Variants in CA1 observed in about 807,000 individuals in gnomAD.
The protein encoded by CA1 is carbonate dehydratase I.
A neutral mutation model predicts 28.8 loss-of-function variants in CA1; 27 were observed. The ratio of observed to expected loss-of-function variants is 0.94; its 90% CI spans 0.69 to 1.29. The LOEUF (loss-of-function observed/expected upper bound fraction) is 1.29. CA1 is among the 50% of genes most tolerant of loss of function. The pLI is 0.00. For synonymous variants in CA1, 121 were observed against 108.8 expected (o/e 1.11, Z -0.70); for missense variants, 335 against 310.5 (o/e 1.08, Z -0.59).
chr8:85,358,405 T>A (rs776184240), intron 1 of CA1, among the ~76,000 whole-genome samples: 18 of 152,200 alleles, frequency 1.2e-4, no homozygotes, highest in Non-Finnish European at 2.9e-5. Flanking sequence ...TCTGAAATTA[T>A]CTTTTCTAGT....
At chr8:85,346,476 A>C (rs541166333) in intron 1 of CA1, among the ~76,000 whole-genome samples, 11 of 152,336 alleles carry the variant, frequency 7.2e-5, no homozygotes, top group Non-Finnish European at 1.0e-4. Context: ...AAAGCATAAA[A>C]TTCTGCTAGG....
At chr8:85,344,514 T>C (rs1809100827) in intron 1 of CA1, among the ~76,000 whole-genome samples, 1 of 151,528 alleles carries the variant, frequency 6.6e-6, no homozygotes, top group African/African-American at 2.4e-5. Flanking sequence ...TTTTAAATTA[T>C]ATTTAAGAGC....
intron 1 of CA1, among the ~76,000 whole-genome samples, chr8:85,354,649 G>A (rs1474403105): frequency 6.6e-6 from 1 of 152,146 alleles, no homozygotes; most frequent in Non-Finnish European, 1.5e-5. Flanking sequence ...TTCAAGGCGG[G>A]GAACCAGCTT....
intron 7 of CA1, among the ~76,000 whole-genome samples, chr8:85,329,297 G>A (rs1409298992): frequency 6.6e-6 from 1 of 152,106 alleles, no homozygotes; most frequent in Non-Finnish European, 1.5e-5. Flanking sequence ...AAAAGTTTAA[G>A]CTCCACAAAA....
intron 4 of CA1, among the ~76,000 whole-genome samples, chr8:85,336,171 A>T (rs1808644995): frequency 6.6e-6 from 1 of 152,206 alleles, no homozygotes; most frequent in African/African-American, 2.4e-5. Context: ...TCTGATTTTT[A>T]AAAATTGTCA....
chr8:85,355,336 A>C (rs1332074115), intron 1 of CA1, among the ~76,000 whole-genome samples: 1 of 152,196 alleles, frequency 6.6e-6, no homozygotes, highest in Non-Finnish European at 1.5e-5. Flanking sequence ...CAAAGAAAGA[A>C]ACTTTAAAGC....
chr8:85,338,153 CA>C (rs773520056), intron 3 of CA1, 98 bp downstream of exon 3: 12 of 1,070,944 alleles, frequency 1.1e-5, no homozygotes, highest in Admixed American at 1.7e-5. Context: ...CACACAAGCA[CA>C]AAAGACTTAG....
At chr8:85,366,718 C>T (rs749989821) in intron 1 of CA1, among the ~76,000 whole-genome samples, 9 of 152,006 alleles carry the variant, frequency 5.9e-5, no homozygotes, top group African/African-American at 9.7e-5. Flanking sequence ...ATAACCTAAA[C>T]GGGAATGGAA....
chr8:85,369,691 A>G (rs1202043644), intron 1 of CA1, among the ~76,000 whole-genome samples: 1 of 152,140 alleles, frequency 6.6e-6, no homozygotes, highest in East Asian at 1.9e-4. Flanking sequence ...GCATGGGAAC[A>G]GGGTTCTCTT....
chr8:85,375,159 A>G (rs1364569028), intron 1 of CA1, among the ~76,000 whole-genome samples: 2 of 152,136 alleles, frequency 1.3e-5, no homozygotes, highest in African/African-American at 2.4e-5. Context: ...CAATATTGCC[A>G]CCTCTGCCTA....
intron 7 of CA1, 38 bp from the exon 8 acceptor site, chr8:85,328,714 A>G (rs757293070): frequency 1.5e-6 from 2 of 1,291,440 alleles, no homozygotes; most frequent in East Asian, 2.4e-5. Flanking sequence ...AAAAGTTTTT[A>G]AAGTTACATA....
chr8:85,353,695 A>G (rs1484528071), intron 1 of CA1, among the ~76,000 whole-genome samples: 1 of 150,878 alleles, frequency 6.6e-6, no homozygotes, highest in Non-Finnish European at 1.5e-5. Flanking sequence ...TTGGCTTTGC[A>G]ACGTTCTTTT....
chr8:85,329,802 G>T lies in CA1; in HGVS notation c.556C>A (p.Leu186Ile). 1 of 1,601,212 alleles carries T rather than the reference G, an allele frequency of 6.2e-7. No homozygotes were observed. The highest frequency in any genetic ancestry group is 8.5e-7 in the Non-Finnish European group (1 of 1,172,612). ...GTCCAGAAATCCAGGGATGAAGGAA[G>T]GAGAGTAGAGGGGTCAAAATTTGTG... ...PFTNFDPSTL[L>I]PSSLDFWTYP... Residue 186 changes from leucine to isoleucine, a missense_variant, in exon 7 of 8, where the codon CTT (leucine) becomes ATT (isoleucine). Leu to Ile is a conservative substitution (Grantham distance 5). Coordinates refer to ENST00000523022, the MANE Select transcript of CA1 (RefSeq NM_001128831.4).
chr8:85,368,503 T>C (rs1234490449), intron 1 of CA1, among the ~76,000 whole-genome samples: 2 of 152,028 alleles, frequency 1.3e-5, no homozygotes, highest in Non-Finnish European at 1.5e-5. Flanking sequence ...TGTGTTTAGT[T>C]GTGGTACATG....
chr8:85,370,400 AT>A (rs1352751769), intron 1 of CA1, among the ~76,000 whole-genome samples: 2 of 152,102 alleles, frequency 1.3e-5, no homozygotes, highest in Non-Finnish European at 2.9e-5. Context: ...AAACTTAGGC[AT>A]TTTTTAATAG....
intron 1 of CA1, among the ~76,000 whole-genome samples, chr8:85,345,283 C>G (rs1809132995): frequency 6.6e-6 from 1 of 152,088 alleles, no homozygotes; most frequent in Admixed American, 6.5e-5. Context: ...TGCTCTGTAC[C>G]CAGACCTTTG....
rs147901877 is a variant in CA1, at chr8:85,369,280, A to G, written c.-25+8766T>C. On this transcript the variant is annotated intron_variant, in intron 1 of 7. Transcript: ENST00000523022. ...GCTTTGCCCTGCTACCCCCTTATTTATATCAGATTTCATCTTTCATGCTAC... is the reference window on the plus strand; with the variant it reads ...GCTTTGCCCTGCTACCCCCTTATTTGTATCAGATTTCATCTTTCATGCTAC... Among the ~76,000 whole-genome samples, 318 of 152,166 alleles carry G rather than the reference A, an allele frequency of 2.1e-3. 2 individuals carry two copies. Among genetic ancestry groups the G allele is most frequent in the South Asian group, 8.5e-3 (41 of 4,826 alleles).
intron 1 of CA1, among the ~76,000 whole-genome samples, chr8:85,342,324 G>A (rs374186268): frequency 6.6e-6 from 1 of 151,974 alleles, no homozygotes; most frequent in Non-Finnish European, 1.5e-5. Context: ...AAGAATAAAG[G>A]TCTTATTTTT....
intron 1 of CA1, among the ~76,000 whole-genome samples, chr8:85,367,902 G>A (rs561266472): frequency 3.9e-5 from 6 of 152,070 alleles, no homozygotes; most frequent in African/African-American, 4.8e-5. Context: ...CATGTGCTGC[G>A]GTAGTATTTT....
Sources: gnomAD v4.1 joint callset for allele counts (sites outside exome capture counted in the v4.1 genomes callset) on GRCh38, gnomAD v4.1.1 for gene constraint, MANE v1.5 for transcripts, NCBI Gene and HGNC (gene_info 2026-07-23, HGNC 2026-07-21) for gene names.